Variants in RCL1 observed in about 807,000 individuals in gnomAD.
The protein encoded by RCL1 is RNA 3'-terminal phosphate cyclase-like protein.
A neutral mutation model predicts 42.4 loss-of-function variants in RCL1; 24 were observed. The observed-to-expected ratio is 0.57, with a 90% CI of 0.41 to 0.80. The LOEUF (loss-of-function observed/expected upper bound fraction) is 0.80. Among genes scored for constraint, RCL1 ranks in the 30% least tolerant of loss-of-function variants. The pLI is 0.00. For synonymous variants in RCL1, 228 were observed against 177.3 expected (o/e 1.29, Z -2.27); for missense variants, 578 against 467.9 (o/e 1.24, Z -2.17).
At chr9:4,830,580 A>G (rs996679721) in intron 3 of RCL1, among the ~76,000 whole-genome samples, 1 of 152,226 alleles carries the variant, frequency 6.6e-6, no homozygotes. Flanking sequence ...GTTGGTGCCA[A>G]CAAGCTGCTC....
chr9:4,828,686 A>AGT (rs1376253790), intron 3 of RCL1, among the ~76,000 whole-genome samples: 1 of 152,142 alleles, frequency 6.6e-6, no homozygotes, highest in Non-Finnish European at 1.5e-5. Flanking sequence ...AGTGTACAGC[A>AGT]GTGTGTGTAT....
At position 4,860,352 on chromosome 9, in the gene RCL1, A is replaced by T; in HGVS notation, c.*77A>T. ...ACGGACACCAATGGGACCAAGTCCAAATGGATTAATCCAGGACAGAATAGC... is the reference window on the plus strand; with the variant it reads ...ACGGACACCAATGGGACCAAGTCCATATGGATTAATCCAGGACAGAATAGC... On this transcript the variant is annotated 3_prime_UTR_variant, in exon 9 of 9. Coordinates refer to ENST00000381750, the MANE Select transcript of RCL1 (RefSeq NM_005772.5). 1.3e-6 allele frequency: 2 copies of T among 1,488,234 alleles called. No homozygotes were observed. Among genetic ancestry groups the T allele is most frequent in the East Asian group, 4.8e-5 (2 of 41,832 alleles). The allele number at this position is 1,488,234 out of a possible 1,614,324, so 92.2% of individuals were successfully genotyped here. A position where few individuals can be genotyped will look rare whatever the true frequency, so the allele number is the denominator to read the frequency against.
chr9:4,853,025 A>C (rs1817803612), intron 8 of RCL1, among the ~76,000 whole-genome samples: 1 of 152,158 alleles, frequency 6.6e-6, no homozygotes, highest in Non-Finnish European at 1.5e-5. Flanking sequence ...CACATTACTG[A>C]GCAAACTACA....
At position 4,842,822 on chromosome 9, in the gene RCL1, A is replaced by G. The variant is rs374084550; in HGVS notation, c.710+1465A>G. On this transcript the variant is annotated intron_variant, in intron 6 of 8. Coordinates refer to ENST00000381750, the MANE Select transcript of RCL1 (RefSeq NM_005772.5). Reference sequence around the variant, plus strand: ...GGACAGATAGCAGCAGAAGCTGTCTAAATGGCTTCATCTCGATAGTCCCTT... The same window carrying G: ...GGACAGATAGCAGCAGAAGCTGTCTGAATGGCTTCATCTCGATAGTCCCTT... Among the ~76,000 whole-genome samples, 3 of 152,326 alleles carry G rather than the reference A, an allele frequency of 2.0e-5. No homozygotes were observed. In the East Asian group the frequency reaches 5.8e-4, roughly 29 times the overall value.
chr9:4,827,366 T>C, intron 3 of RCL1: 1 of 953,688 alleles, frequency 1.0e-6, no homozygotes, highest in Non-Finnish European at 1.5e-6. Context: ...TAAGATCCTG[T>C]GGTAGCTGAG....
intron 1 of RCL1, among the ~76,000 whole-genome samples, chr9:4,815,541 G>C (rs1190183941): frequency 1.3e-5 from 2 of 151,842 alleles, no homozygotes; most frequent in Non-Finnish European, 2.9e-5. Flanking sequence ...TAGGTGGAGT[G>C]GCTCCATCTT....
chr9:4,839,553 G>A (rs295264), intron 5 of RCL1: 474,071 of 528,376 alleles, frequency 0.9, 213,086 homozygotes, highest in East Asian at 1. Context: ...GACAGCACCT[G>A]CTTGGTCCAA....
At chr9:4,835,658 A>G (rs1817099787) in intron 5 of RCL1, among the ~76,000 whole-genome samples, 1 of 152,232 alleles carries the variant, frequency 6.6e-6, no homozygotes, top group African/African-American at 2.4e-5. Flanking sequence ...AGATGAAGCA[A>G]AGTAATGAGC....
intron 7 of RCL1, among the ~76,000 whole-genome samples, chr9:4,846,590 G>C (rs1817522932): frequency 6.6e-6 from 1 of 152,166 alleles, no homozygotes; most frequent in Admixed American, 6.5e-5. Flanking sequence ...AACAGTGCAT[G>C]CAATGTGTTT....
At chr9:4,839,594 G>T (rs1160214641) in intron 5 of RCL1, 3 of 893,026 alleles carry the variant, frequency 3.4e-6, no homozygotes, top group African/African-American at 3.6e-5. Flanking sequence ...GTTTGTCTAA[G>T]CTGTCTGTGG....
intron 1 of RCL1, among the ~76,000 whole-genome samples, chr9:4,822,178 A>G (rs1352664226): frequency 1.3e-5 from 2 of 152,256 alleles, no homozygotes; most frequent in Admixed American, 1.3e-4. Context: ...GTGTTATGTA[A>G]CAGACTAGGT....
At chr9:4,827,761 C>CAT (rs375068664) in intron 3 of RCL1, among the ~76,000 whole-genome samples, 2 of 147,672 alleles carry the variant, frequency 1.4e-5, no homozygotes, top group Admixed American at 1.3e-4. Context: ...TGTGTGCACG[C>CAT]GTGTGTGTGT....
At position 4,860,227 on chromosome 9, in the gene RCL1, G is replaced by T. The variant is rs1015344371; in HGVS notation, c.1074G>T (p.Met358Ile). ...EELKGGDKVL[M>I]TCVGIGFSNL... ...TCAAGGGTGGGGATAAAGTGCTGAT[G>T]ACCTGTGTTGGCATTGGTTTCTCCA... Residue 358 changes from methionine to isoleucine, a missense_variant, in exon 9 of 9, where the codon ATG becomes ATT. Transcript: ENST00000381750. 1.2e-6 allele frequency: 2 copies of T among 1,613,532 alleles called. No individual in the cohort carries two copies. Among genetic ancestry groups the T allele is most frequent in the Non-Finnish European group, 1.7e-6 (2 of 1,179,828 alleles).
intron 5 of RCL1, among the ~76,000 whole-genome samples, chr9:4,836,125 C>A (rs1325950237): frequency 6.6e-6 from 1 of 152,158 alleles, no homozygotes; most frequent in African/African-American, 2.4e-5. Flanking sequence ...AAGAAAAAGG[C>A]TGTGTTCCAG....
At chr9:4,822,232 T>C (rs139733805) in intron 1 of RCL1, among the ~76,000 whole-genome samples, 1 of 152,188 alleles carries the variant, frequency 6.6e-6, no homozygotes, top group African/African-American at 2.4e-5. Flanking sequence ...TTGGGATCAG[T>C]TTAGGTGACT....
intron 3 of RCL1, among the ~76,000 whole-genome samples, chr9:4,832,033 G>A (rs1214795783): frequency 7.2e-5 from 11 of 152,148 alleles, no homozygotes; most frequent in Non-Finnish European, 1.6e-4. Context: ...GATCCAAGAA[G>A]GGAACAAGTA....
At chr9:4,813,469 A>T (rs1287180650) in intron 1 of RCL1, among the ~76,000 whole-genome samples, 1 of 152,246 alleles carries the variant, frequency 6.6e-6, no homozygotes, top group Non-Finnish European at 1.5e-5. Context: ...AGAGAAATGC[A>T]AATCAAAACC....
At chr9:4,851,904 A>G in intron 8 of RCL1, among the ~76,000 whole-genome samples, 2 of 6,792 alleles carry the variant, frequency 2.9e-4, no homozygotes, top group East Asian at 0.028. Flanking sequence ...TTTTTGAGAC[A>G]GAGTTTCGCT....
chr9:4,821,273 G>A lies in RCL1; in HGVS notation c.137-2275G>A, dbSNP rs76742217. ...TCCTATTTCTTAAAAGAGAGAGAGA[G>A]AGCATGGACTTTGGAGAAGGACAGA... is the stretch of plus-strand genomic sequence containing the variant. On this transcript the variant is annotated intron_variant, in intron 1 of 8. Coordinates refer to ENST00000381750, the MANE Select transcript of RCL1 (RefSeq NM_005772.5). 2.1e-3 allele frequency among the ~76,000 whole-genome samples: 314 copies of A among 152,234 alleles called. 1 individual carries two copies. Among genetic ancestry groups the A allele is most frequent in the Non-Finnish European group, 3.7e-3 (253 of 68,016 alleles).
Sources: gnomAD v4.1 joint callset for allele counts (sites outside exome capture counted in the v4.1 genomes callset) on GRCh38, gnomAD v4.1.1 for gene constraint, MANE v1.5 for transcripts, NCBI Gene and HGNC (gene_info 2026-07-23, HGNC 2026-07-21) for gene names.